The following GDAP1 variants were observed in gnomAD, a reference collection of about 807,000 sequenced individuals.
The protein encoded by GDAP1 is ganglioside-induced differentiation-associated protein 1.
Under a neutral mutation model 40.1 loss-of-function variants are expected in GDAP1, and 34 were observed. The observed-to-expected ratio is 0.85, with a 90% confidence interval of 0.64 to 1.13. The LOEUF is 1.13. Among genes scored for constraint, GDAP1 ranks in the 50% most tolerant of loss-of-function variants. The probability of loss-of-function intolerance (pLI) is 0.00; values close to 1 mark genes in which losing one functional copy is unlikely to be tolerated. For synonymous variants in GDAP1, 170 were observed against 157.4 expected (o/e 1.08, Z -0.60); for missense variants, 374 against 433.7 (o/e 0.86, Z 1.22).
At chr8:74,456,717 A>G (rs572661165) in intron 2 of GDAP1, among the ~76,000 whole-genome samples, 20 of 151,996 alleles carry the variant, frequency 1.3e-4, no homozygotes, top group Non-Finnish European at 2.7e-4. Context: ...AAAACAACTG[A>G]TAGGAAACCC....
At chr8:74,413,044 C>T (rs1027875852) in intron 2 of GDAP1, among the ~76,000 whole-genome samples, 9 of 98,534 alleles carry the variant, frequency 9.1e-5, no homozygotes, top group Admixed American at 6.6e-4. Flanking sequence ...TCCAGCCTGG[C>T]GATAAAGCGA....
At chr8:74,384,940 G>A (rs557110884) in intron 2 of GDAP1, among the ~76,000 whole-genome samples, 1 of 152,172 alleles carries the variant, frequency 6.6e-6, no homozygotes, top group Non-Finnish European at 1.5e-5. Context: ...ATATCCATAT[G>A]GGTATGGATC....
chr8:74,455,569 G>C (rs912205827), intron 2 of GDAP1, among the ~76,000 whole-genome samples: 6 of 151,828 alleles, frequency 4.0e-5, no homozygotes, highest in Non-Finnish European at 7.4e-5. Context: ...CTGAGTATTT[G>C]TTCATTAACA....
Position 74,391,278 on chromosome 8 carries a change from G to A in GDAP1, c.165+39957G>A, listed in dbSNP as rs112242449. Among the ~76,000 whole-genome samples the A allele has an allele frequency of 4.9e-3, 744 of 152,234 alleles. 7 individuals carry two copies. The highest frequency in any genetic ancestry group is 0.016 in the African/African-American group (645 of 41,550). ...TGGTGTCTGCCCAAACGGCCACCCA[G>A]TTTTGTGCTTGAAACCCAGGACCCT... On this transcript the variant is annotated intron_variant, in intron 2 of 2. Coordinates refer to the GDAP1 transcript ENST00000523640.
At chr8:74,427,438 T>C (rs1288606174) in intron 2 of GDAP1, among the ~76,000 whole-genome samples, 7 of 152,202 alleles carry the variant, frequency 4.6e-5, no homozygotes. Flanking sequence ...GTAGAACCTA[T>C]AAAAGCTTAT....
intron 2 of GDAP1, among the ~76,000 whole-genome samples, chr8:74,425,431 T>C (rs1563466579): frequency 6.6e-6 from 1 of 152,154 alleles, no homozygotes; most frequent in Non-Finnish European, 1.5e-5. Flanking sequence ...CCAAATACAT[T>C]TTTTAAAACC....
At chr8:74,371,562 A>C (rs1258843654), downstream of GDAP1, among the ~76,000 whole-genome samples, 1 of 151,818 alleles carries the variant, frequency 6.6e-6, no homozygotes, top group Non-Finnish European at 1.5e-5. Flanking sequence ...TGGGAGGCTG[A>C]GGCAGGAGAA....
chr8:74,403,733 G>A (rs1805597913), intron 2 of GDAP1, among the ~76,000 whole-genome samples: 1 of 150,280 alleles, frequency 6.7e-6, no homozygotes, highest in Admixed American at 6.6e-5. Flanking sequence ...TGATAGAACA[G>A]TGAGGATGAA....
At chr8:74,436,970 AAGG>A (rs140289476) in intron 2 of GDAP1, among the ~76,000 whole-genome samples, 1,686 of 152,286 alleles carry the variant, frequency 0.011, 27 homozygotes, top group African/African-American at 0.037. Context: ...ACTACAGCAG[AAGG>A]AGAAGTCATT....
intron 3 of GDAP1, among the ~76,000 whole-genome samples, chr8:74,360,755 G>A (rs764785808): frequency 3.3e-5 from 5 of 152,218 alleles, no homozygotes; most frequent in Non-Finnish European, 5.9e-5. Context: ...CTGTCTCTAT[G>A]TTCAGTGATA....
intron 2 of GDAP1, among the ~76,000 whole-genome samples, chr8:74,419,912 C>T (rs1805834226): frequency 6.6e-6 from 1 of 152,118 alleles, no homozygotes. Context: ...GTTGAAGAGA[C>T]CATTTTCCCC....
rs1024520327 is a variant in GDAP1, at chr8:74,365,870, C to T, written c.*1503C>T. Reference sequence around the variant, plus strand: ...GCTTTTATAACATTTAAAATTTGCACATGAGTGTGTTGTCATATGGAGTGT... The same window carrying T: ...GCTTTTATAACATTTAAAATTTGCATATGAGTGTGTTGTCATATGGAGTGT... On this transcript the variant is annotated 3_prime_UTR_variant, in exon 6 of 6. Coordinates refer to ENST00000220822, the MANE Select transcript of GDAP1 (RefSeq NM_018972.4). 1 of 454,202 alleles carries T rather than the reference C, an allele frequency of 2.2e-6. No individual in the cohort carries two copies. Among genetic ancestry groups the T allele is most frequent in the Non-Finnish European group, 4.4e-6 (1 of 226,792 alleles). The allele number at this position is 454,202 out of a possible 1,614,324, so 28.1% of individuals were successfully genotyped here.
At chr8:74,357,067 A>G (rs947862258) in intron 2 of GDAP1, among the ~76,000 whole-genome samples, 1 of 152,186 alleles carries the variant, frequency 6.6e-6, no homozygotes, top group African/African-American at 2.4e-5. Flanking sequence ...GAAGGGTACA[A>G]TATTATTCAG....
At chr8:74,482,263 G>A (rs1806722525) in intron 2 of GDAP1, among the ~76,000 whole-genome samples, 1 of 152,120 alleles carries the variant, frequency 6.6e-6, no homozygotes, top group African/African-American at 2.4e-5. Context: ...CAGCTCCCAT[G>A]TGATAAGGAA....
At chr8:74,475,400 A>G (rs1290864463) in intron 2 of GDAP1, among the ~76,000 whole-genome samples, 1 of 151,460 alleles carries the variant, frequency 6.6e-6, no homozygotes, top group Admixed American at 6.6e-5. Flanking sequence ...GATCTTTCTA[A>G]CTTTTTGATA....
At chr8:74,453,388 C>A (rs1806306435) in intron 2 of GDAP1, among the ~76,000 whole-genome samples, 1 of 83,822 alleles carries the variant, frequency 1.2e-5, no homozygotes, top group African/African-American at 5.2e-5. Context: ...CATACCTAAG[C>A]ACTTATAGAA....
At position 74,363,994 on chromosome 8, in the gene GDAP1, A is replaced by G; in HGVS notation, c.704A>G (p.Gln235Arg). 6.2e-7 allele frequency: 1 copy of G among 1,614,108 alleles called. No individual in the cohort carries two copies. The highest frequency in any genetic ancestry group is 8.5e-7 in the Non-Finnish European group (1 of 1,179,938). Residue 235 changes from glutamine to arginine, a missense_variant, in exon 6 of 6, where the codon CAG (glutamine) becomes CGG (arginine). Coordinates refer to ENST00000220822, the MANE Select transcript of GDAP1 (RefSeq NM_018972.4). ...RRNEETPEEGQQPWLCGESFT... is the reference protein window; with the variant it reads ...RRNEETPEEGRQPWLCGESFT... ...CCCTTTCTCTAATTAGAAGAGGGCC[A>G]GCAACCTTGGCTCTGCGGTGAATCC...
At chr8:74,383,550 A>T (rs1020706788) in intron 2 of GDAP1, among the ~76,000 whole-genome samples, 2 of 152,192 alleles carry the variant, frequency 1.3e-5, no homozygotes, top group African/African-American at 4.8e-5. Context: ...TCCTTAATTT[A>T]AAAATGTGTT....
At chr8:74,376,510 G>A (rs947029336) in intron 2 of GDAP1, among the ~76,000 whole-genome samples, 3 of 151,958 alleles carry the variant, frequency 2.0e-5, no homozygotes, top group East Asian at 1.9e-4. Context: ...CACCAAGCCC[G>A]GCTAATTTTT....
Sources: allele counts gnomAD v4.1 joint callset (sites outside exome capture counted in the v4.1 genomes callset), GRCh38; gene constraint gnomAD v4.1.1; transcripts MANE v1.5; gene names NCBI Gene and HGNC (gene_info 2026-07-23, HGNC 2026-07-21).